ATXN1: variants seen among roughly 807,000 people sequenced by gnomAD.
The protein encoded by ATXN1 is ataxin-1.
ATXN1 carries 8 observed loss-of-function variants against 56.4 expected under a neutral mutation model. The ratio of observed to expected loss-of-function variants is 0.14; its 90% confidence interval spans 0.08 to 0.26. The LOEUF is 0.26. ATXN1 is among the 10% of genes least tolerant of loss of function. The pLI is 1.00. For missense variants in ATXN1, 987 were observed against 1,106.5 expected, an observed-to-expected ratio of 0.89 and a Z score of 1.53; for synonymous variants, 514 against 494.6, an observed-to-expected ratio of 1.04 and a Z score of -0.52.
chr6:16,375,288 C>A (rs1335567812), intron 6 of ATXN1, among the ~76,000 whole-genome samples: 1 of 152,206 alleles, frequency 6.6e-6, no homozygotes, highest in East Asian at 1.9e-4. Context: ...CATGACTAAG[C>A]CACTTGACAG....
rs376502081 is a variant in ATXN1, at chr6:16,736,079, T to C, written c.-615+17154A>G. 3.3e-5 allele frequency among the ~76,000 whole-genome samples: 5 copies of C among 152,368 alleles called. No homozygotes were observed. The South Asian group carries it at 6.2e-4, about 19-fold the overall frequency. On this transcript the variant is annotated intron_variant, in intron 2 of 7. Transcript: ENST00000436367. ...AACTGCCTAAATACTCAAACTGTTA[T>C]TGATTATAGCTGATATTCATGGCTA...
At chr6:16,505,116 G>A (rs1760958726) in intron 5 of ATXN1, among the ~76,000 whole-genome samples, 1 of 151,908 alleles carries the variant, frequency 6.6e-6, no homozygotes, top group Non-Finnish European at 1.5e-5. Flanking sequence ...CACTGAGTGA[G>A]GGGCCCAAAC....
At chr6:16,718,992 T>A (rs1222227887) in intron 2 of ATXN1, among the ~76,000 whole-genome samples, 1 of 152,236 alleles carries the variant, frequency 6.6e-6, no homozygotes, top group African/African-American at 2.4e-5. Flanking sequence ...ACTACTAGAC[T>A]TCCTGGGGAC....
chr6:16,555,422 T>C (rs898245491), intron 4 of ATXN1, among the ~76,000 whole-genome samples: 4 of 152,204 alleles, frequency 2.6e-5, no homozygotes, highest in African/African-American at 9.6e-5. Flanking sequence ...GTGAGCTCCA[T>C]GCTTTTGGCT....
Position 16,327,959 on chromosome 6 carries a change from C to T in ATXN1, c.352G>A (p.Val118Met), listed in dbSNP as rs1390386736. ...TPQPGTPVSP[V>M]QYAHLPHTFQ... ...GTGTGCGGCAGGTGAGCGTACTGCA[C>T]GGGGGACACCGGGGTCCCTGGCTGC... Residue 118 changes from valine to methionine, a missense_variant, in exon 7 of 8, where the codon GTG (valine) becomes ATG (methionine). Val to Met is a conservative substitution (Grantham distance 21). Coordinates refer to ENST00000436367, the MANE Select transcript of ATXN1 (RefSeq NM_001128164.2). 20 of 1,612,734 alleles carry T rather than the reference C, an allele frequency of 1.2e-5. No individual in the cohort carries two copies. Among genetic ancestry groups the T allele is most frequent in the Middle Eastern group, 3.3e-4 (2 of 6,082 alleles).
chr6:16,493,169 C>T (rs1760703575), intron 5 of ATXN1, among the ~76,000 whole-genome samples: 1 of 152,152 alleles, frequency 6.6e-6, no homozygotes, highest in Non-Finnish European at 1.5e-5. Flanking sequence ...GCCATCCATA[C>T]CTTCATTGGT....
intron 2 of ATXN1, among the ~76,000 whole-genome samples, chr6:16,690,247 T>C (rs1034935024): frequency 2.0e-5 from 3 of 151,960 alleles, no homozygotes; most frequent in Non-Finnish European, 2.9e-5. Flanking sequence ...TTTGCTCTGA[T>C]TGGGTAGCCT....
At chr6:16,353,180 A>G (rs757816278) in intron 6 of ATXN1, among the ~76,000 whole-genome samples, 87 of 152,184 alleles carry the variant, frequency 5.7e-4, no homozygotes, top group Non-Finnish European at 7.9e-4. Flanking sequence ...TCAGAAATCA[A>G]CCTGCGGATA....
rs916691358 is a variant in ATXN1, at chr6:16,304,159, G to A, written c.*2170C>T. 1.3e-5 allele frequency: 2 copies of A among 152,418 alleles called. No homozygotes were observed. The highest frequency in any genetic ancestry group is 2.1e-4 in the South Asian group (1 of 4,828). 9.4% of individuals were successfully genotyped at this position (152,418 alleles called of 1,614,324 possible). On this transcript the variant is annotated 3_prime_UTR_variant, in exon 8 of 8. Coordinates refer to ENST00000436367, the MANE Select transcript of ATXN1 (RefSeq NM_001128164.2). ...TGAATACTAGACAGCCAAAATGTGG[G>A]TTGATACCAGATTTTTTTTTTAATT...
chr6:16,416,603 A>C (rs556059021), intron 6 of ATXN1, among the ~76,000 whole-genome samples: 61 of 152,354 alleles, frequency 4.0e-4, no homozygotes, highest in African/African-American at 1.4e-3. Context: ...TATTCCTTTT[A>C]TATAAACTTT....
chr6:16,453,233 G>T (rs1304948256), intron 6 of ATXN1, among the ~76,000 whole-genome samples: 1 of 152,140 alleles, frequency 6.6e-6, no homozygotes, highest in South Asian at 2.1e-4. Context: ...TGCCGAGGCG[G>T]GTGGATCACA....
intron 4 of ATXN1, among the ~76,000 whole-genome samples, chr6:16,547,834 C>G (rs1761843160): frequency 6.6e-6 from 1 of 152,168 alleles, no homozygotes; most frequent in East Asian, 1.9e-4. Flanking sequence ...ATAACCTCAT[C>G]TGAACTTGGT....
intron 5 of ATXN1, among the ~76,000 whole-genome samples, chr6:16,514,037 G>C (rs1443541871): frequency 6.6e-6 from 1 of 152,112 alleles, no homozygotes; most frequent in Non-Finnish European, 1.5e-5. Flanking sequence ...CTGAAGAGTT[G>C]CTGTGTGCAA....
At chr6:16,408,751 A>T (rs956780073) in intron 6 of ATXN1, among the ~76,000 whole-genome samples, 1 of 152,106 alleles carries the variant, frequency 6.6e-6, no homozygotes, top group Non-Finnish European at 1.5e-5. Flanking sequence ...ATTTTAAAAA[A>T]CCTGTTTTTT....
chr6:16,646,589 C>T (rs1375203144), intron 3 of ATXN1, among the ~76,000 whole-genome samples: 1 of 152,244 alleles, frequency 6.6e-6, no homozygotes, highest in Admixed American at 6.5e-5. Context: ...CACAGCTTTC[C>T]TCAAATATGC....
intron 6 of ATXN1, among the ~76,000 whole-genome samples, chr6:16,484,122 T>C (rs1309781433): frequency 1.3e-5 from 2 of 152,178 alleles, no homozygotes; most frequent in Non-Finnish European, 1.5e-5. Context: ...TAAACCAAGA[T>C]GCTGATTGCT....
chr6:16,374,852 G>T (rs574065890), intron 6 of ATXN1, among the ~76,000 whole-genome samples: 1 of 152,208 alleles, frequency 6.6e-6, no homozygotes, highest in South Asian at 2.1e-4. Context: ...TTACCTGCAC[G>T]CATTCTTACA....
intron 4 of ATXN1, among the ~76,000 whole-genome samples, chr6:16,546,296 A>G (rs1761813174): frequency 6.6e-6 from 1 of 152,210 alleles, no homozygotes; most frequent in Non-Finnish European, 1.5e-5. Context: ...TAAGTATTTC[A>G]TTAGGAACCA....
intron 5 of ATXN1, among the ~76,000 whole-genome samples, chr6:16,494,144 ATCTCCAGTGCAGGGCTGGACTGAGAG>A (rs2113666279): frequency 3.1e-5 from 1 of 32,438 alleles, no homozygotes; most frequent in Non-Finnish European, 5.6e-5. Context: ...ACTGAGAGGC[ATCTCCAGTGCAGGGCTGGACTGAGAG>A]TCCAGTTAGA....
Sources: gnomAD v4.1 joint callset for allele counts (sites outside exome capture counted in the v4.1 genomes callset) on GRCh38, gnomAD v4.1.1 for gene constraint, MANE v1.5 for transcripts, NCBI Gene and HGNC (gene_info 2026-07-23, HGNC 2026-07-21) for gene names.